FMN2: variants seen among roughly 807,000 people sequenced by gnomAD.
FMN2 encodes formin-2.
In FMN2, 51 loss-of-function variants were observed where a neutral mutation model predicts 142.3. The observed-to-expected ratio is 0.36, with a 90% confidence interval of 0.29 to 0.45. The LOEUF (loss-of-function observed/expected upper bound fraction) is 0.45, where lower values mean the gene tolerates loss of function less well. Among genes scored for constraint, FMN2 ranks in the 20% least tolerant of loss-of-function variants. The probability of loss-of-function intolerance (pLI) is 1.00; values close to 1 mark genes in which losing one functional copy is unlikely to be tolerated. For synonymous variants in FMN2, 882 were observed against 869.8 expected, an observed-to-expected ratio of 1.01 and a Z score of -0.25; for missense variants, 1,936 against 2,122.8, an observed-to-expected ratio of 0.91 and a Z score of 1.73.
At chr1:240,275,355 C>G (rs1473414578) in intron 7 of FMN2, among the ~76,000 whole-genome samples, 3 of 151,972 alleles carry the variant, frequency 2.0e-5, no homozygotes, top group Admixed American at 2.0e-4. Flanking sequence ...TTTTCTGTTC[C>G]TGTGGTAGTT....
At chr1:240,422,792 A>G (rs1019091445) in intron 15 of FMN2, among the ~76,000 whole-genome samples, 4 of 152,098 alleles carry the variant, frequency 2.6e-5, no homozygotes, top group African/African-American at 7.2e-5. Context: ...TAATGGTCTG[A>G]TTCCTAATTT....
At chr1:240,398,141 G>A (rs1336151) in intron 15 of FMN2, among the ~76,000 whole-genome samples, 51,342 of 151,566 alleles carry the variant, frequency 0.34, 9,048 homozygotes, top group East Asian at 0.61. Context: ...AATTACAAGC[G>A]TGCACTGCCA....
chr1:240,220,782 A>G (rs1206688478), intron 6 of FMN2, among the ~76,000 whole-genome samples: 1 of 152,074 alleles, frequency 6.6e-6, no homozygotes, highest in Non-Finnish European at 1.5e-5. Context: ...TTTGTTACAT[A>G]GGTATACACG....
intron 6 of FMN2, among the ~76,000 whole-genome samples, chr1:240,215,647 T>G (rs912494310): frequency 6.6e-6 from 1 of 152,246 alleles, no homozygotes; most frequent in Non-Finnish European, 1.5e-5. Context: ...TTTAAATGAC[T>G]GTGGTTATAA....
chr1:240,253,192 A>G (rs1668341162), intron 6 of FMN2, among the ~76,000 whole-genome samples: 1 of 151,870 alleles, frequency 6.6e-6, no homozygotes, highest in South Asian at 2.1e-4. Context: ...GATGATCTCA[A>G]TCTCCTGACC....
intron 13 of FMN2, among the ~76,000 whole-genome samples, chr1:240,351,236 G>A (rs541166993): frequency 2.5e-4 from 38 of 152,270 alleles, no homozygotes; most frequent in African/African-American, 8.7e-4. Flanking sequence ...ATGTCATTCC[G>A]CAGGGGGTGC....
At chr1:240,140,041 G>C (rs1663114276) in intron 2 of FMN2, among the ~76,000 whole-genome samples, 1 of 152,116 alleles carries the variant, frequency 6.6e-6, no homozygotes, top group Non-Finnish European at 1.5e-5. Context: ...AGCTGCTGGA[G>C]GGTGTGGCCT....
intron 2 of FMN2, among the ~76,000 whole-genome samples, chr1:240,125,135 C>T (rs983224392): frequency 6.6e-6 from 1 of 152,212 alleles, no homozygotes; most frequent in African/African-American, 2.4e-5. Context: ...TCTATATCTG[C>T]CTGTTCACTT....
chr1:240,443,334 C>T (rs967885870), intron 16 of FMN2, among the ~76,000 whole-genome samples: 3 of 152,142 alleles, frequency 2.0e-5, no homozygotes, highest in African/African-American at 7.2e-5. Context: ...TAGACATGTA[C>T]AATTGTTAAT....
chr1:240,219,650 A>ATTTTTTTTTT (rs1558374533), intron 6 of FMN2, among the ~76,000 whole-genome samples: 1 of 151,976 alleles, frequency 6.6e-6, no homozygotes, highest in African/African-American at 2.4e-5. Context: ...AGGTTTTAAA[A>ATTTTTTTTTT]TTTTTTGTAT....
intron 8 of FMN2, among the ~76,000 whole-genome samples, chr1:240,298,956 A>G (rs535878361): frequency 6.8e-6 from 1 of 146,744 alleles, no homozygotes; most frequent in East Asian, 2.0e-4. Context: ...TATTAGTTGA[A>G]TTTTTTTTTT....
intron 16 of FMN2, among the ~76,000 whole-genome samples, chr1:240,451,250 T>C (rs1676029910): frequency 6.6e-6 from 1 of 150,984 alleles, no homozygotes; most frequent in Non-Finnish European, 1.5e-5. Flanking sequence ...CCTGTAATCC[T>C]CATGAGGCTG....
intron 11 of FMN2, 93 bp downstream of exon 11, chr1:240,330,842 T>G (rs1195867894): frequency 6.9e-7 from 1 of 1,452,104 alleles, no homozygotes; most frequent in Non-Finnish European, 9.2e-7. Flanking sequence ...TAAAAAATAT[T>G]TATGTTCCTA....
rs1317011204 is a variant in FMN2 at position 240,207,569 on chromosome 1, C to T, written c.2757C>T (p.Gly919=). Residue 919 remains glycine, a synonymous_variant, in exon 5 of 18, where the codon GGC becomes GGT. Coordinates refer to ENST00000319653, the MANE Select transcript of FMN2 (RefSeq NM_020066.5). ...CTCCCCCTCCTCTTCCCGGAGCGGG[C>T]ATACCTCCTCCGCCGCCTCTACCCG... ...PPPPPPLPGA[G]IPPPPPLPGA... 1.9e-6 allele frequency: 3 copies of T among 1,604,930 alleles called. No homozygotes were observed. The highest frequency in any genetic ancestry group is 2.6e-6 in the Non-Finnish European group (3 of 1,176,122).
At chr1:240,194,485 A>G (rs757746649) in intron 4 of FMN2, among the ~76,000 whole-genome samples, 14 of 152,200 alleles carry the variant, frequency 9.2e-5, no homozygotes, top group Non-Finnish European at 1.8e-4. Context: ...TAAAGGGAGA[A>G]TAAAGGAATA....
intron 2 of FMN2, chr1:240,171,079 C>T (rs955327254): frequency 1.4e-6 from 2 of 1,429,330 alleles, no homozygotes; most frequent in South Asian, 1.2e-5. Context: ...AATTGCCACT[C>T]ATCCATTCCA....
chr1:240,275,007 G>A (rs16839692), intron 7 of FMN2, among the ~76,000 whole-genome samples: 34,300 of 151,610 alleles, frequency 0.23, 4,408 homozygotes, highest in East Asian at 0.41. Flanking sequence ...CTGAGACAAA[G>A]TGCATGAACC....
intron 2 of FMN2, among the ~76,000 whole-genome samples, chr1:240,150,672 T>C (rs981052912): frequency 6.6e-6 from 1 of 152,216 alleles, no homozygotes; most frequent in Non-Finnish European, 1.5e-5. Context: ...TTAATGCTAA[T>C]AGTCACCACT....
intron 2 of FMN2, among the ~76,000 whole-genome samples, chr1:240,161,306 C>T (rs755052119): frequency 3.3e-5 from 5 of 151,742 alleles, no homozygotes; most frequent in Admixed American, 6.6e-5. Context: ...CCGAGGCAGG[C>T]GGAATACGAG....
Sources: allele counts gnomAD v4.1 joint callset (sites outside exome capture counted in the v4.1 genomes callset), GRCh38; gene constraint gnomAD v4.1.1; transcripts MANE v1.5; gene names NCBI Gene and HGNC (gene_info 2026-07-23, HGNC 2026-07-21).